FBN1: variants seen among roughly 807,000 people sequenced by gnomAD.
FBN1 encodes fibrillin-1.
In FBN1, 29 loss-of-function variants were observed where a neutral mutation model predicts 365.1. That is an observed-to-expected ratio of 0.08 (90% confidence interval 0.06 to 0.11). The LOEUF (loss-of-function observed/expected upper bound fraction) is 0.11, where lower values mean the gene tolerates loss of function less well. Among genes scored for constraint, FBN1 ranks in the 10% least tolerant of loss-of-function variants. FBN1 has a pLI of 1.00. For missense variants in FBN1, 2,476 were observed against 3,703.2 expected (o/e 0.67, Z 8.60); for synonymous variants, 1,210 against 1,270.5 (o/e 0.95, Z 1.01).
At chr15:48,430,598 T>C in intron 56 of FBN1, 73 bp downstream of exon 56, 1 of 1,578,288 alleles carries the variant, frequency 6.3e-7, no homozygotes, top group Non-Finnish European at 8.7e-7. Flanking sequence ...TCCCAAGAAC[T>C]CAGAGCCCAG....
rs56102085 is a variant in FBN1, at chr15:48,508,573, A to G, written c.1837+9T>C. 3.7e-5 allele frequency: 60 copies of G among 1,613,740 alleles called. No individual in the cohort carries two copies. In the East Asian group the frequency reaches 1.1e-3, roughly 30 times the overall value. On this transcript the variant is annotated intron_variant, in intron 15 of 65. Coordinates refer to ENST00000316623, the MANE Select transcript of FBN1 (RefSeq NM_000138.5). ...TGAAGAACATGATCTAGGGTTTTAT[A>G]GCACGAACCTTTGCAATAACGTCCA...
intron 6 of FBN1, among the ~76,000 whole-genome samples, chr15:48,565,521 C>T (rs1418267217): frequency 6.6e-6 from 1 of 151,508 alleles, no homozygotes; most frequent in African/African-American, 2.4e-5. Flanking sequence ...GCCAAGCTGA[C>T]CCCATTATTA....
intron 65 of FBN1, 151 bp downstream of exon 65, chr15:48,412,418 C>A: frequency 1.2e-6 from 1 of 841,126 alleles, no homozygotes; most frequent in Non-Finnish European, 2.0e-6. Flanking sequence ...CCCACAGCCT[C>A]TTGTAAAATA....
At chr15:48,535,996 C>G (rs1002104731) in intron 7 of FBN1, among the ~76,000 whole-genome samples, 12 of 152,188 alleles carry the variant, frequency 7.9e-5, no homozygotes, top group African/African-American at 2.7e-4. Context: ...TACTCCAGGT[C>G]TGAAGACAGA....
chr15:48,478,491 T>A (rs1339190867), intron 32 of FBN1, among the ~76,000 whole-genome samples: 1 of 152,204 alleles, frequency 6.6e-6, no homozygotes, highest in African/African-American at 2.4e-5. Context: ...GCTTTATTCA[T>A]TAACTAAGTA....
intron 6 of FBN1, among the ~76,000 whole-genome samples, chr15:48,587,073 T>C (rs1270595901): frequency 6.6e-6 from 1 of 152,218 alleles, no homozygotes; most frequent in Non-Finnish European, 1.5e-5. Context: ...ATTATATCCA[T>C]GGCAACTTAA....
chr15:48,645,270 G>A (rs973166107), intron 1 of FBN1, among the ~76,000 whole-genome samples: 15 of 152,150 alleles, frequency 9.9e-5, no homozygotes, highest in Non-Finnish European at 1.3e-4. Context: ...CGCGATGCGC[G>A]CTCTGAACGC....
chr15:48,454,921 G>A (rs2043227919), intron 44 of FBN1, among the ~76,000 whole-genome samples: 1 of 152,212 alleles, frequency 6.6e-6, no homozygotes, highest in South Asian at 2.1e-4. Context: ...TATTCAGGAT[G>A]TATAGAAACA....
At chr15:48,420,344 A>G (rs552153564) in intron 63 of FBN1, among the ~76,000 whole-genome samples, 1 of 152,226 alleles carries the variant, frequency 6.6e-6, no homozygotes, top group Admixed American at 6.5e-5. Flanking sequence ...GCTGGCTGAT[A>G]TTTTTCAGTC....
chr15:48,594,354 C>T (rs1201217893), intron 6 of FBN1, among the ~76,000 whole-genome samples: 1 of 152,184 alleles, frequency 6.6e-6, no homozygotes, highest in African/African-American at 2.4e-5. Context: ...TCTCCAGTCT[C>T]CACTACCACA....
chr15:48,436,887 T>G, intron 53 of FBN1, 74 bp downstream of exon 53: 1 of 909,586 alleles, frequency 1.1e-6, no homozygotes, highest in Non-Finnish European at 1.9e-6. Flanking sequence ...CCTATATTCA[T>G]GGCTATACAG....
chr15:48,446,779 G>A lies in FBN1; in HGVS notation c.5715C>T (p.Cys1905=), dbSNP rs1428113693. 6.2e-7 allele frequency: 1 copy of A among 1,612,942 alleles called. No homozygotes were observed. Among genetic ancestry groups the A allele is most frequent in the Non-Finnish European group, 8.5e-7 (1 of 1,179,162 alleles). Reference sequence around the variant, plus strand: ...AGTTGAAGGAACCAATTGTGTTCCGGCAAGTTCCATTCCCACAGGCATCTC... The same window carrying A: ...AGTTGAAGGAACCAATTGTGTTCCGACAAGTTCCATTCCCACAGGCATCTC... ...CERDACGNGT[C]RNTIGSFNCR... Residue 1905 remains cysteine (C), a synonymous_variant, in exon 47 of 66, where the codon TGC becomes TGT. Coordinates refer to ENST00000316623, the MANE Select transcript of FBN1 (RefSeq NM_000138.5).
At chr15:48,526,619 C>T (rs182702779) in intron 8 of FBN1, among the ~76,000 whole-genome samples, 2 of 152,190 alleles carry the variant, frequency 1.3e-5, no homozygotes, top group South Asian at 2.1e-4. Flanking sequence ...TTAAACTCTC[C>T]TACTAATTAT....
chr15:48,640,260 A>G (rs1890175189), intron 2 of FBN1, among the ~76,000 whole-genome samples: 1 of 152,114 alleles, frequency 6.6e-6, no homozygotes, highest in Admixed American at 6.6e-5. Flanking sequence ...TTTTGTCTCT[A>G]CCTTCTTGTT....
At chr15:48,425,043 C>A (rs1005508721) in intron 60 of FBN1, among the ~76,000 whole-genome samples, 4 of 152,180 alleles carry the variant, frequency 2.6e-5, no homozygotes, top group Admixed American at 1.3e-4. Flanking sequence ...ATACAAAAAA[C>A]AGAAAGCAGA....
chr15:48,520,909 TG>T, intron 9 of FBN1, 92 bp from the exon 10 acceptor site: 1 of 1,553,024 alleles, frequency 6.4e-7, no homozygotes, highest in Non-Finnish European at 8.8e-7. Context: ...TACTTCACAC[TG>T]GGGCTACGGC....
At position 48,503,842 on chromosome 15, in the gene FBN1, G is replaced by C. The variant is rs759859967; in HGVS notation, c.2058C>G (p.Ala686=). The stretch of plus-strand genomic sequence containing the variant: ...GTTCCCCAAATGCATACTCAGTGCT[G>C]GCGCAACAGCATTCAGATTTAGTGA... The part of the protein sequence containing the change: ...GAVTKSECCC[A]STEYAFGEPC... The change falls in exon 17 of 66, where the codon GCC becomes GCG. Residue 686 remains alanine, a synonymous_variant. Transcript: ENST00000316623. The C allele has an allele frequency of 1.2e-6, 2 of 1,614,190 alleles. No homozygotes were observed. Among genetic ancestry groups the C allele is most frequent in the South Asian group, 1.1e-5 (1 of 91,086 alleles).
chr15:48,456,179 G>C (rs1396110637), intron 44 of FBN1, among the ~76,000 whole-genome samples: 1 of 152,212 alleles, frequency 6.6e-6, no homozygotes, highest in Non-Finnish European at 1.5e-5. Flanking sequence ...CAAATTTGCT[G>C]TTCTTGCCAT....
chr15:48,586,290 G>T (rs2044434572), intron 6 of FBN1, among the ~76,000 whole-genome samples: 1 of 152,024 alleles, frequency 6.6e-6, no homozygotes, highest in Non-Finnish European at 1.5e-5. Context: ...CGGGAGGCCA[G>T]AGGTGGCCAT....
Sources: allele counts gnomAD v4.1 joint callset (sites outside exome capture counted in the v4.1 genomes callset), GRCh38; gene constraint gnomAD v4.1.1; transcripts MANE v1.5; gene names NCBI Gene and HGNC (gene_info 2026-07-23, HGNC 2026-07-21).